Variants in FNDC3A observed in about 807,000 individuals in gnomAD.
FNDC3A encodes the protein fibronectin type-III domain-containing protein 3A.
FNDC3A carries 32 observed loss-of-function variants against 148.9 expected under a neutral mutation model. The observed-to-expected ratio is 0.21, with a 90% confidence interval of 0.16 to 0.29. The LOEUF (loss-of-function observed/expected upper bound fraction) is 0.29. FNDC3A is among the 10% of genes least tolerant of loss of function. FNDC3A has a pLI of 1.00. For synonymous variants in FNDC3A, 472 were observed against 473.6 expected (o/e 1.00, Z 0.04); for missense variants, 1,191 against 1,452.8 (o/e 0.82, Z 2.93).
chr13:49,047,765 T>C (rs1875528233), intron 2 of FNDC3A, among the ~76,000 whole-genome samples: 3 of 152,248 alleles, frequency 2.0e-5, no homozygotes, highest in African/African-American at 7.2e-5. Flanking sequence ...TGTGGATTAT[T>C]TCTTTTGCTG....
In FNDC3A at chr13:49,068,458, T is replaced by TGAATCAACCATTGTG. The variant is rs942929899; in HGVS notation, c.100-6814_100-6800dup. Among the ~76,000 whole-genome samples the TGAATCAACCATTGTG allele has an allele frequency of 1.3e-3, 195 of 152,220 alleles. 1 individual carries two copies. The highest frequency in any genetic ancestry group is 4.5e-3 in the African/African-American group (185 of 41,530). On this transcript the variant is annotated intron_variant, in intron 2 of 25. Coordinates refer to ENST00000492622, the MANE Select transcript of FNDC3A (RefSeq NM_001079673.2). ...AAAATAGCAGAAAATCTAATAGTGG[T>TGAATCAACCATTGTG]GAATCAACCATTGTGGAATCAACCA... is the stretch of plus-strand genomic sequence containing the variant.
intron 23 of FNDC3A, among the ~76,000 whole-genome samples, 192 bp downstream of exon 23, chr13:49,198,766 T>TA (rs1886281113): frequency 1.3e-5 from 2 of 152,016 alleles, no homozygotes; most frequent in South Asian, 2.1e-4. Context: ...ACCTTGTCTC[T>TA]AAAAAAAATT....
At chr13:48,994,528 C>T (rs1951985595) in intron 1 of FNDC3A, among the ~76,000 whole-genome samples, 2 of 152,190 alleles carry the variant, frequency 1.3e-5, no homozygotes, top group Admixed American at 1.3e-4. Context: ...CCTGTAATGC[C>T]TGCACTTTGG....
intron 2 of FNDC3A, among the ~76,000 whole-genome samples, chr13:49,064,185 A>G (rs1877094662): frequency 6.6e-6 from 1 of 152,132 alleles, no homozygotes; most frequent in African/African-American, 2.4e-5. Context: ...TACTAAAAAT[A>G]CAAAAATTAG....
chr13:49,015,459 G>A (rs1311958995), intron 2 of FNDC3A, among the ~76,000 whole-genome samples: 2 of 152,184 alleles, frequency 1.3e-5, no homozygotes, highest in East Asian at 3.9e-4. Context: ...TGTATCCTGA[G>A]ACTTTGCTGA....
At chr13:49,190,434 T>G (rs1885825359) in intron 17 of FNDC3A, among the ~76,000 whole-genome samples, 1 of 152,164 alleles carries the variant, frequency 6.6e-6, no homozygotes, top group Non-Finnish European at 1.5e-5. Context: ...GGAGGATTGC[T>G]TGAGCCTAAG....
chr13:48,991,218 T>C (rs920043331), intron 1 of FNDC3A, among the ~76,000 whole-genome samples: 2 of 152,158 alleles, frequency 1.3e-5, no homozygotes, highest in Admixed American at 1.3e-4. Flanking sequence ...TTAAGTGAGT[T>C]AAAAGGATGG....
At chr13:49,080,743 C>CA (rs1878415885) in intron 3 of FNDC3A, among the ~76,000 whole-genome samples, 1 of 152,106 alleles carries the variant, frequency 6.6e-6, no homozygotes, top group South Asian at 2.1e-4. Context: ...GGGAATTAGG[C>CA]AAGGTTTCTA....
At position 49,208,466 on chromosome 13, in the gene FNDC3A, G is replaced by A. The variant is rs776962963; in HGVS notation, c.*1071G>A. The A allele has an allele frequency of 1.3e-5, 2 of 152,584 alleles. No individual in the cohort carries two copies. The highest frequency in any genetic ancestry group is 2.9e-5 in the Non-Finnish European group (2 of 68,008). The allele number at this position is 152,584 out of a possible 1,614,324, so 9.5% of individuals were successfully genotyped here. ...ATTAATTTGCACCAGTAAACTTCAA[G>A]CTGCTTTCTTTCTTGAAAACTAAAC... On this transcript the variant is annotated 3_prime_UTR_variant, in exon 26 of 26. Coordinates refer to ENST00000492622, the MANE Select transcript of FNDC3A (RefSeq NM_001079673.2).
intron 4 of FNDC3A, among the ~76,000 whole-genome samples, chr13:49,121,406 A>T (rs1312652273): frequency 6.6e-6 from 1 of 152,248 alleles, no homozygotes; most frequent in Non-Finnish European, 1.5e-5. Flanking sequence ...AAAATCTAAA[A>T]TCAACACCCT....
At chr13:49,053,551 T>A (rs2137718532) in intron 2 of FNDC3A, among the ~76,000 whole-genome samples, 1 of 152,230 alleles carries the variant, frequency 6.6e-6, no homozygotes, top group African/African-American at 2.4e-5. Context: ...AGTGGTTTGG[T>A]CTGGAAAGGT....
chr13:48,985,339 G>C lies in FNDC3A; in HGVS notation c.-40+9162G>C, dbSNP rs1334616591. 2.6e-5 allele frequency among the ~76,000 whole-genome samples: 4 copies of C among 152,262 alleles called. No homozygotes were observed. The East Asian group carries it at 7.7e-4, about 29-fold the overall frequency. ...CTTCATCTTTTTAGGAGAAAAGTTT[G>C]GCAGTATCTATCCATTTCAAATGTA... On this transcript the variant is annotated intron_variant, in intron 1 of 25. Coordinates refer to ENST00000492622, the MANE Select transcript of FNDC3A (RefSeq NM_001079673.2).
chr13:49,059,339 G>A (rs1001081724), intron 2 of FNDC3A, among the ~76,000 whole-genome samples: 1 of 152,172 alleles, frequency 6.6e-6, no homozygotes, highest in African/African-American at 2.4e-5. Flanking sequence ...CACTGAAAAC[G>A]CAAGAAACAA....
chr13:49,013,102 A>G (rs949636996), intron 2 of FNDC3A, among the ~76,000 whole-genome samples: 4 of 152,070 alleles, frequency 2.6e-5, no homozygotes, highest in African/African-American at 9.7e-5. Flanking sequence ...GATTGCTTGA[A>G]CACAGGAGTT....
chr13:49,143,204 G>T (rs994856131), intron 7 of FNDC3A, among the ~76,000 whole-genome samples: 6 of 152,042 alleles, frequency 3.9e-5, no homozygotes, highest in African/African-American at 1.4e-4. Context: ...AGTACTAAAA[G>T]ATTTTCTGGA....
At chr13:49,202,784 C>G (rs1886479614) in intron 24 of FNDC3A, among the ~76,000 whole-genome samples, 4 of 152,178 alleles carry the variant, frequency 2.6e-5, no homozygotes, top group Admixed American at 2.6e-4. Flanking sequence ...GGGAGGCTCA[C>G]TTAAGGCCAG....
At position 49,016,535 on chromosome 13, in the gene FNDC3A, A is replaced by G. The variant is rs1449457557; in HGVS notation, c.99+10246A>G. Among the ~76,000 whole-genome samples the G allele has an allele frequency of 2.0e-5, 3 of 151,580 alleles. No homozygotes were observed. In the East Asian group the frequency reaches 5.8e-4, roughly 29 times the overall value. On this transcript the variant is annotated intron_variant, in intron 2 of 25. Coordinates refer to ENST00000492622, the MANE Select transcript of FNDC3A (RefSeq NM_001079673.2). ...TGCTAGTGGTCTATCAATCTTGTTG[A>G]TCCTTTCAAAAAACCAGCTCCTGGA...
chr13:49,161,647 TATG>T (rs1467564739), intron 8 of FNDC3A, among the ~76,000 whole-genome samples: 6 of 152,138 alleles, frequency 3.9e-5, no homozygotes, highest in Admixed American at 6.5e-5. Flanking sequence ...ATCCTGTCAT[TATG>T]ATGTTAGCCG....
intron 2 of FNDC3A, among the ~76,000 whole-genome samples, chr13:49,031,862 A>G (rs1281639561): frequency 6.6e-6 from 1 of 152,180 alleles, no homozygotes; most frequent in Non-Finnish European, 1.5e-5. Flanking sequence ...ATTGGAGGAA[A>G]AAATCCATAA....
Sources: allele counts gnomAD v4.1 joint callset (sites outside exome capture counted in the v4.1 genomes callset), GRCh38; gene constraint gnomAD v4.1.1; transcripts MANE v1.5; gene names NCBI Gene and HGNC (gene_info 2026-07-23, HGNC 2026-07-21).